The following NRF1 variants were observed in gnomAD, a reference collection of about 807,000 sequenced individuals.
NRF1 encodes the protein nuclear respiratory factor 1, also known as alpha palindromic-binding protein.
NRF1 carries 5 observed loss-of-function variants against 58.5 expected under a neutral mutation model. The observed-to-expected ratio is 0.09, with a 90% confidence interval of 0.04 to 0.18. The LOEUF is 0.18. NRF1 is among the 10% of genes least tolerant of loss of function. NRF1 has a pLI of 1.00. For synonymous variants in NRF1, 224 were observed against 246.7 expected, an observed-to-expected ratio of 0.91 and a Z score of 0.86; for missense variants, 288 against 657.7, an observed-to-expected ratio of 0.44 and a Z score of 6.15.
chr7:129,642,756 AATTTTTTT>A (rs1404238742), intron 1 of NRF1, among the ~76,000 whole-genome samples: 4 of 131,682 alleles, frequency 3.0e-5, no homozygotes, highest in African/African-American at 1.0e-4. Context: ...TTCTTTAAAA[AATTTTTTT>A]TTTTTTTTTT....
intron 10 of NRF1, among the ~76,000 whole-genome samples, chr7:129,727,596 T>C (rs543811809): frequency 8.5e-5 from 13 of 152,336 alleles, no homozygotes; most frequent in African/African-American, 3.1e-4. Context: ...AATTGAATTG[T>C]TACTTAAAAA....
chr7:129,612,459 C>T (rs1307928927), intron 1 of NRF1, among the ~76,000 whole-genome samples: 1 of 152,162 alleles, frequency 6.6e-6, no homozygotes. Flanking sequence ...TGGAATATGG[C>T]GCGTTGCCCA....
intron 8 of NRF1, among the ~76,000 whole-genome samples, chr7:129,715,273 G>A (rs1303896742): frequency 4.6e-5 from 7 of 152,060 alleles, no homozygotes; most frequent in Admixed American, 1.3e-4. Context: ...GGTACAAGCC[G>A]GGATGCTGCT....
At chr7:129,634,040 A>AAT (rs1801113829) in intron 1 of NRF1, among the ~76,000 whole-genome samples, 1 of 89,678 alleles carries the variant, frequency 1.1e-5, no homozygotes, top group Admixed American at 1.1e-4. Context: ...AAAAAAAAAA[A>AAT]AAGATATATA....
chr7:129,624,489 A>G (rs1800872324), intron 1 of NRF1, among the ~76,000 whole-genome samples: 1 of 152,166 alleles, frequency 6.6e-6, no homozygotes, highest in Non-Finnish European at 1.5e-5. Flanking sequence ...TTATAATTTT[A>G]GGAACTCAGG....
intron 1 of NRF1, among the ~76,000 whole-genome samples, chr7:129,623,526 G>A (rs1800850697): frequency 6.6e-6 from 1 of 152,032 alleles, no homozygotes; most frequent in African/African-American, 2.4e-5. Flanking sequence ...AGAATAACTG[G>A]AACTTTCTCA....
At chr7:129,693,022 T>C (rs1174837584) in intron 5 of NRF1, among the ~76,000 whole-genome samples, 1 of 152,248 alleles carries the variant, frequency 6.6e-6, no homozygotes, top group African/African-American at 2.4e-5. Context: ...TTTATTAACT[T>C]GTATACTTAT....
chr7:129,612,569 C>T (rs1006719925), intron 1 of NRF1, among the ~76,000 whole-genome samples: 21 of 152,176 alleles, frequency 1.4e-4, no homozygotes, highest in African/African-American at 5.1e-4. Flanking sequence ...TGTTTTCTTC[C>T]CCAGCTGAGA....
intron 1 of NRF1, among the ~76,000 whole-genome samples, chr7:129,643,850 G>A (rs1359028996): frequency 2.0e-5 from 3 of 152,206 alleles, no homozygotes; most frequent in Non-Finnish European, 4.4e-5. Context: ...TAGACTAAAT[G>A]GCAGTGTAAA....
chr7:129,670,719 A>G (rs1011030046), intron 2 of NRF1, among the ~76,000 whole-genome samples: 1 of 152,194 alleles, frequency 6.6e-6, no homozygotes, highest in Non-Finnish European at 1.5e-5. Context: ...CCCTCCATCT[A>G]CCCTTCAAAA....
At chr7:129,673,465 C>T (rs1323328131) in intron 3 of NRF1, among the ~76,000 whole-genome samples, 2 of 152,094 alleles carry the variant, frequency 1.3e-5, no homozygotes, top group African/African-American at 4.8e-5. Context: ...CGCGGTGGCT[C>T]ACGCCTGTAA....
chr7:129,677,071 C>T (rs1802198910), intron 3 of NRF1, among the ~76,000 whole-genome samples: 1 of 134,682 alleles, frequency 7.4e-6, no homozygotes, highest in Non-Finnish European at 1.5e-5. Flanking sequence ...AGTGCAGTGG[C>T]ACCATCTTGG....
At position 129,664,632 on chromosome 7, in the gene NRF1, C is replaced by T. The variant is rs186162454; in HGVS notation, c.224-6797C>T. ...TAATGAATCCAGGTCCACTGCTTTT[C>T]TATGAAGGAAGATGGTTTTAAGACA... On this transcript the variant is annotated intron_variant, in intron 2 of 10. Transcript: ENST00000393232. Among the ~76,000 whole-genome samples the T allele has an allele frequency of 5.9e-5, 9 of 152,302 alleles. No individual in the cohort carries two copies. In the East Asian group the frequency reaches 1.7e-3, roughly 29 times the overall value.
chr7:129,704,120 G>A (rs1273583022), intron 5 of NRF1, among the ~76,000 whole-genome samples: 1 of 151,354 alleles, frequency 6.6e-6, no homozygotes, highest in Non-Finnish European at 1.5e-5. Context: ...GTATTAATAC[G>A]TATTTTTAAT....
chr7:129,745,674 T>C (rs911654565), intron 10 of NRF1, among the ~76,000 whole-genome samples: 7 of 152,110 alleles, frequency 4.6e-5, no homozygotes, highest in Non-Finnish European at 1.0e-4. Flanking sequence ...CAACAGGCCT[T>C]GCAGTTAGCT....
At chr7:129,635,085 C>T (rs1005187822) in intron 1 of NRF1, among the ~76,000 whole-genome samples, 1 of 152,094 alleles carries the variant, frequency 6.6e-6, no homozygotes, top group Admixed American at 6.5e-5. Flanking sequence ...ATTTAAAAGG[C>T]AAAATAAAAC....
chr7:129,712,329 G>T (rs1163891462), intron 8 of NRF1, among the ~76,000 whole-genome samples: 1 of 152,228 alleles, frequency 6.6e-6, no homozygotes, highest in Non-Finnish European at 1.5e-5. Flanking sequence ...TTCCCTTGAA[G>T]ATACTGATGT....
At chr7:129,671,579 C>T (rs1802048691) in intron 3 of NRF1, 36 bp downstream of exon 3, 1 of 1,100,920 alleles carries the variant, frequency 9.1e-7, no homozygotes, top group South Asian at 1.3e-5. Flanking sequence ...TACTATTCCT[C>T]AAATACTTCC....
chr7:129,639,182 C>T (rs147479420), intron 1 of NRF1, among the ~76,000 whole-genome samples: 1 of 152,182 alleles, frequency 6.6e-6, no homozygotes, highest in Non-Finnish European at 1.5e-5. Flanking sequence ...TTCTCAGCCT[C>T]CCGAGTAGCT....
Sources: gnomAD v4.1 joint callset for allele counts (sites outside exome capture counted in the v4.1 genomes callset) on GRCh38, gnomAD v4.1.1 for gene constraint, MANE v1.5 for transcripts, NCBI Gene and HGNC (gene_info 2026-07-23, HGNC 2026-07-21) for gene names.